The following SYT1 variants were observed in gnomAD, a reference collection of about 807,000 sequenced individuals.
The protein encoded by SYT1 is synaptotagmin-1.
Under a neutral mutation model 44.8 loss-of-function variants are expected in SYT1, and 8 were observed. That is an observed-to-expected ratio of 0.18 (90% confidence interval 0.10 to 0.32). The LOEUF is 0.32. SYT1 is among the 10% of genes least tolerant of loss of function. SYT1 has a pLI of 1.00. For synonymous variants in SYT1, 154 were observed against 188.8 expected, an observed-to-expected ratio of 0.82 and a Z score of 1.51; for missense variants, 286 against 509.3, an observed-to-expected ratio of 0.56 and a Z score of 4.22.
chr12:79,439,869 T>A (rs1290025455), intron 9 of SYT1, among the ~76,000 whole-genome samples: 2 of 151,330 alleles, frequency 1.3e-5, no homozygotes, highest in Non-Finnish European at 2.9e-5. Context: ...CTCTGACATA[T>A]CACAAAGAGC....
At chr12:78,985,030 C>G (rs1869539482) in intron 2 of SYT1, among the ~76,000 whole-genome samples, 1 of 151,742 alleles carries the variant, frequency 6.6e-6, no homozygotes, top group Non-Finnish European at 1.5e-5. Flanking sequence ...TATACCATTA[C>G]AAGACACATT....
At chr12:78,903,634 C>T (rs777373186) in intron 1 of SYT1, among the ~76,000 whole-genome samples, 2 of 151,972 alleles carry the variant, frequency 1.3e-5, no homozygotes, top group African/African-American at 4.8e-5. Flanking sequence ...ATTATCTGTA[C>T]AATTCAATAG....
At chr12:78,892,236 ACAT>A (rs1277736263) in intron 1 of SYT1, among the ~76,000 whole-genome samples, 1 of 151,882 alleles carries the variant, frequency 6.6e-6, no homozygotes. Context: ...AATATGGAAA[ACAT>A]CATCTTATCA....
At chr12:78,934,134 ATGTG>A (rs372625285) in intron 1 of SYT1, among the ~76,000 whole-genome samples, 6 of 150,688 alleles carry the variant, frequency 4.0e-5, no homozygotes, top group African/African-American at 9.8e-5. Context: ...GTGTGTATAT[ATGTG>A]TGTGTGTGTA....
chr12:79,208,979 T>C (rs1592854204), intron 3 of SYT1, among the ~76,000 whole-genome samples: 1 of 152,298 alleles, frequency 6.6e-6, no homozygotes, highest in East Asian at 1.9e-4. Context: ...TAGATCCATT[T>C]TGGAAAAAAT....
chr12:79,226,691 T>C (rs1368090582), intron 4 of SYT1, among the ~76,000 whole-genome samples: 1 of 152,170 alleles, frequency 6.6e-6, no homozygotes, highest in Non-Finnish European at 1.5e-5. Context: ...TGCCATTTAT[T>C]TAAAGTGGTA....
At position 79,268,333 on chromosome 12, in the gene SYT1, T is replaced by A. The variant is rs373237887; in HGVS notation, c.167-17454T>A. Among the ~76,000 whole-genome samples the A allele has an allele frequency of 6.6e-5, 10 of 152,312 alleles. No homozygotes were observed. The East Asian group carries it at 1.7e-3, about 26-fold the overall frequency. ...ATTCATTTGACATGTAAAATAAGTT[T>A]GCCGTGACTATATAGCAGAATCAAA... On this transcript the variant is annotated intron_variant, in intron 4 of 10. Transcript: ENST00000261205.
chr12:78,866,316 C>A (rs1873541330), intron 1 of SYT1, among the ~76,000 whole-genome samples: 1 of 152,148 alleles, frequency 6.6e-6, no homozygotes, highest in Non-Finnish European at 1.5e-5. Context: ...TCAGCACTCC[C>A]TTTAGAAGGC....
intron 3 of SYT1, among the ~76,000 whole-genome samples, chr12:79,133,173 A>C (rs1350043903): frequency 6.6e-6 from 1 of 152,216 alleles, no homozygotes; most frequent in African/African-American, 2.4e-5. Context: ...TTGATAGCAC[A>C]CTAAGGTAAC....
intron 3 of SYT1, among the ~76,000 whole-genome samples, chr12:79,126,020 C>T (rs1321043332): frequency 6.6e-6 from 1 of 152,122 alleles, no homozygotes; most frequent in East Asian, 1.9e-4. Context: ...ATTTTCTTTG[C>T]TTCACTACTG....
At chr12:79,064,758 C>T (rs947485209) in intron 3 of SYT1, among the ~76,000 whole-genome samples, 7 of 151,312 alleles carry the variant, frequency 4.6e-5, no homozygotes, top group Admixed American at 2.6e-4. Flanking sequence ...TGCTAATTTA[C>T]ACCAGCACTT....
At chr12:79,148,185 C>G (rs1291205697) in intron 3 of SYT1, among the ~76,000 whole-genome samples, 1 of 152,094 alleles carries the variant, frequency 6.6e-6, no homozygotes, top group Admixed American at 6.6e-5. Context: ...GAAAATTGGA[C>G]AGAAATGGCA....
intron 2 of SYT1, among the ~76,000 whole-genome samples, chr12:79,003,095 T>C (rs1050370125): frequency 1.3e-5 from 2 of 152,102 alleles, no homozygotes; most frequent in South Asian, 4.1e-4. Flanking sequence ...AAAGAATCTA[T>C]AGGGAGAGTC....
chr12:78,958,008 T>C (rs1879298487), intron 1 of SYT1, among the ~76,000 whole-genome samples: 1 of 152,184 alleles, frequency 6.6e-6, no homozygotes, highest in Non-Finnish European at 1.5e-5. Context: ...TTGCATAGTT[T>C]CATGTGAGAT....
rs558409744 is a variant in SYT1, at chr12:79,187,224, A to G, written c.-17-30279A>G. On this transcript the variant is annotated intron_variant, in intron 3 of 10. Coordinates refer to ENST00000261205, the MANE Select transcript of SYT1 (RefSeq NM_005639.3). Reference sequence around the variant, plus strand: ...ATACACCAGCGAAGAATAAAAAGATATATATTGGATGGAGCCCAAGAACTG... The same window carrying G: ...ATACACCAGCGAAGAATAAAAAGATGTATATTGGATGGAGCCCAAGAACTG... Among the ~76,000 whole-genome samples, 15 of 152,202 alleles carry G rather than the reference A, an allele frequency of 9.9e-5. No individual in the cohort carries two copies. The East Asian group carries it at 2.3e-3, about 24-fold the overall frequency.
chr12:79,179,120 A>ATC (rs1264260310), intron 3 of SYT1, among the ~76,000 whole-genome samples: 2 of 128,900 alleles, frequency 1.6e-5, no homozygotes, highest in African/African-American at 3.0e-5. Flanking sequence ...ATATAGATAT[A>ATC]GATATAGATA....
intron 4 of SYT1, among the ~76,000 whole-genome samples, chr12:79,273,910 C>T (rs572314102): frequency 1.3e-5 from 2 of 152,102 alleles, no homozygotes; most frequent in African/African-American, 2.4e-5. Context: ...ATGGTGAAAC[C>T]CCGTCTCTAC....
At chr12:79,022,676 A>C (rs1872271851) in intron 2 of SYT1, among the ~76,000 whole-genome samples, 1 of 151,446 alleles carries the variant, frequency 6.6e-6, no homozygotes, top group Admixed American at 6.6e-5. Flanking sequence ...TAAATTAATT[A>C]TATTTTTATT....
intron 1 of SYT1, among the ~76,000 whole-genome samples, chr12:78,870,570 C>T (rs376057943): frequency 2.0e-5 from 3 of 152,022 alleles, no homozygotes; most frequent in African/African-American, 7.2e-5. Flanking sequence ...TCTTATTTTG[C>T]AATTGCTTAC....
Sources: gnomAD v4.1 joint callset for allele counts (sites outside exome capture counted in the v4.1 genomes callset) on GRCh38, gnomAD v4.1.1 for gene constraint, MANE v1.5 for transcripts, NCBI Gene and HGNC (gene_info 2026-07-23, HGNC 2026-07-21) for gene names.